The following KAT6B variants were observed in gnomAD, a reference collection of about 807,000 sequenced individuals.
The protein encoded by KAT6B is lysine acetyltransferase 6B, also known as histone acetyltransferase KAT6B.
Under a neutral mutation model 187.5 loss-of-function variants are expected in KAT6B, and 10 were observed. That is an observed-to-expected ratio of 0.05 (90% CI 0.03 to 0.09). KAT6B has a LOEUF of 0.09. Ranked by LOEUF, KAT6B falls within the 10% of genes least tolerant of loss-of-function variation. The pLI is 1.00. For missense variants in KAT6B, 1,952 were observed against 2,558.9 expected, an observed-to-expected ratio of 0.76 and a Z score of 5.12; for synonymous variants, 861 against 926.8, an observed-to-expected ratio of 0.93 and a Z score of 1.29.
At chr10:74,940,888 A>G (rs1038410849) in intron 3 of KAT6B, among the ~76,000 whole-genome samples, 8 of 152,150 alleles carry the variant, frequency 5.3e-5, no homozygotes, top group African/African-American at 7.2e-5. Flanking sequence ...CTTAGCATAA[A>G]CTGTCCAGTG....
At chr10:74,996,256 A>G (rs1843425014) in intron 13 of KAT6B, among the ~76,000 whole-genome samples, 1 of 152,242 alleles carries the variant, frequency 6.6e-6, no homozygotes, top group Non-Finnish European at 1.5e-5. Context: ...TGGGCTGTCA[A>G]GTTCACTGAC....
intron 3 of KAT6B, among the ~76,000 whole-genome samples, chr10:74,936,844 G>A (rs1056410966): frequency 4.6e-5 from 7 of 152,142 alleles, no homozygotes; most frequent in African/African-American, 7.2e-5. Context: ...ATTTTAGGTT[G>A]TTTATTAATG....
chr10:74,951,645 T>C (rs150870859), intron 3 of KAT6B, among the ~76,000 whole-genome samples: 1 of 152,286 alleles, frequency 6.6e-6, no homozygotes, highest in East Asian at 1.9e-4. Flanking sequence ...CCCAACTGAT[T>C]TTAAAATTTT....
At chr10:74,885,020 G>C (rs1845133971) in intron 3 of KAT6B, among the ~76,000 whole-genome samples, 1 of 152,036 alleles carries the variant, frequency 6.6e-6, no homozygotes, top group South Asian at 2.1e-4. Context: ...CTGAGACTGA[G>C]AAACTAAAAT....
At chr10:74,937,116 C>CTTTTT (rs1342148458) in intron 3 of KAT6B, among the ~76,000 whole-genome samples, 1 of 152,168 alleles carries the variant, frequency 6.6e-6, no homozygotes, top group Non-Finnish European at 1.5e-5. Context: ...GGCGATCATG[C>CTTTTT]TTTTTATTTG....
chr10:74,967,112 G>A (rs1291362045), intron 4 of KAT6B, among the ~76,000 whole-genome samples: 1 of 152,066 alleles, frequency 6.6e-6, no homozygotes, highest in African/African-American at 2.4e-5. Flanking sequence ...GGATCACAAG[G>A]TCAGGAGATC....
rs542041243 is a variant in KAT6B at position 75,007,384 on chromosome 10, C to T, written c.2630-13198C>T. ...GAGGACAGTATAGGTCAAGTGGCCC[C>T]AGTTCAACCACAGATAGATTACAAG... On this transcript the variant is annotated intron_variant, in intron 13 of 17. Transcript: ENST00000287239. Among the ~76,000 whole-genome samples the T allele has an allele frequency of 5.3e-5, 8 of 152,124 alleles. No individual in the cohort carries two copies. In the South Asian group the frequency reaches 1.7e-3, roughly 32 times the overall value.
At position 74,849,106 on chromosome 10, in the gene KAT6B, C is replaced by T. The variant is rs138637652; in HGVS notation, c.621+5628C>T. Among the ~76,000 whole-genome samples the T allele has an allele frequency of 1.6e-3, 237 of 152,156 alleles. No individual in the cohort carries two copies. In the East Asian group the frequency reaches 0.017, roughly 11 times the overall value. ...AAACAATTCTTGTGCCTCAGCCTCC[C>T]GAGTAGCTGGGATTACAGGTGTGTG... On this transcript the variant is annotated intron_variant, in intron 3 of 17. Coordinates refer to ENST00000287239, the MANE Select transcript of KAT6B (RefSeq NM_012330.4).
intron 8 of KAT6B, 26 bp downstream of exon 8, chr10:74,976,356 C>G (rs771776161): frequency 5.7e-6 from 9 of 1,586,006 alleles, no homozygotes; most frequent in Non-Finnish European, 6.9e-6. Flanking sequence ...AAGCTCCAAC[C>G]AAACCTGCGT....
chr10:74,866,588 AC>A (rs1199448265), intron 3 of KAT6B, among the ~76,000 whole-genome samples: 1 of 152,188 alleles, frequency 6.6e-6, no homozygotes. Flanking sequence ...TAGTAGATTT[AC>A]TAAAAAAAAG....
intron 10 of KAT6B, among the ~76,000 whole-genome samples, chr10:74,980,397 TGTGA>T (rs1424992613): frequency 2.0e-5 from 3 of 152,234 alleles, no homozygotes. Context: ...TTCGTTAGCA[TGTGA>T]GTGTCTGGCC....
chr10:75,028,391 G>C (rs986954621), intron 17 of KAT6B, 98 bp from the exon 18 acceptor site: 166 of 1,556,790 alleles, frequency 1.1e-4, no homozygotes, highest in Non-Finnish European at 1.4e-4. Context: ...ATTGAAAGCA[G>C]TGTTTGCTAA....
rs144893149 is a variant in KAT6B at position 74,991,912 on chromosome 10, T to TA, written c.2629+2802dup. On this transcript the variant is annotated intron_variant, in intron 13 of 17. Transcript: ENST00000287239. The stretch of plus-strand genomic sequence containing the variant: ...ACCTTCTCTTGGAAGTTACTTAAAG[T>TA]AATAGTAGATAAATATCTTTCCAAA... Among the ~76,000 whole-genome samples the TA allele has an allele frequency of 0.01, 1,551 of 152,302 alleles. 104 individuals are homozygous for TA. The East Asian group carries it at 0.14, about 14-fold the overall frequency.
At chr10:74,990,141 G>C (rs1175196882) in intron 13 of KAT6B, among the ~76,000 whole-genome samples, 3 of 138,746 alleles carry the variant, frequency 2.2e-5, no homozygotes, top group African/African-American at 7.9e-5. Flanking sequence ...GTTGCAGTGA[G>C]CCGAGATGGT....
intron 13 of KAT6B, among the ~76,000 whole-genome samples, chr10:75,015,089 T>C (rs1280925616): frequency 1.3e-5 from 2 of 152,166 alleles, no homozygotes; most frequent in Non-Finnish European, 2.9e-5. Flanking sequence ...AGGTCTGAGA[T>C]AGGTTCTGAG....
At chr10:74,866,332 G>C (rs934196952) in intron 3 of KAT6B, among the ~76,000 whole-genome samples, 10 of 151,388 alleles carry the variant, frequency 6.6e-5, no homozygotes, top group African/African-American at 2.4e-4. Flanking sequence ...ACTTTCAAAT[G>C]GTTCAGCAAA....
At chr10:74,935,088 G>A (rs1206499318) in intron 3 of KAT6B, among the ~76,000 whole-genome samples, 3 of 152,218 alleles carry the variant, frequency 2.0e-5, no homozygotes, top group African/African-American at 7.2e-5. Flanking sequence ...TTTCTGTGCT[G>A]CACAATTTCT....
intron 13 of KAT6B, among the ~76,000 whole-genome samples, chr10:75,001,768 C>G (rs1255962857): frequency 6.6e-6 from 1 of 152,158 alleles, no homozygotes; most frequent in Non-Finnish European, 1.5e-5. Flanking sequence ...ATGTTTGATA[C>G]CCACTGGCCT....
rs530827655 is a variant in KAT6B, at chr10:74,990,120, G to A, written c.2629+1008G>A. On this transcript the variant is annotated intron_variant, in intron 13 of 17. Transcript: ENST00000287239. ...TGAGGCAGGAGAATCACTTGAACCC[G>A]GGAGGTGGAGGTTGCAGTGAGCCGA... Among the ~76,000 whole-genome samples the A allele has an allele frequency of 4.7e-5, 7 of 148,438 alleles. No homozygotes were observed. The South Asian group carries it at 6.4e-4, about 14-fold the overall frequency.
Sources: gnomAD v4.1 joint callset for allele counts (sites outside exome capture counted in the v4.1 genomes callset) on GRCh38, gnomAD v4.1.1 for gene constraint, MANE v1.5 for transcripts, NCBI Gene and HGNC (gene_info 2026-07-23, HGNC 2026-07-21) for gene names.